Variants in CAPS2 observed in about 807,000 individuals in gnomAD.
CAPS2 encodes the protein calcyphosin-2.
In CAPS2, 98 loss-of-function variants were observed where a neutral mutation model predicts 86.5. The observed-to-expected ratio is 1.13, with a 90% CI of 0.96 to 1.34. The LOEUF is 1.34. Among genes scored for constraint, CAPS2 ranks in the 40% most tolerant of loss-of-function variants. The pLI is 0.00. For synonymous variants in CAPS2, 210 were observed against 225.1 expected (o/e 0.93, Z 0.60); for missense variants, 729 against 686.8 (o/e 1.06, Z -0.69).
At chr12:75,349,860 T>C (rs1013017181) in intron 1 of CAPS2, among the ~76,000 whole-genome samples, 3 of 152,182 alleles carry the variant, frequency 2.0e-5, no homozygotes, top group Non-Finnish European at 2.9e-5. Context: ...ATAGAATCCA[T>C]AGAGGAAAAA....
chr12:75,341,905 A>C (rs963595470), intron 1 of CAPS2, among the ~76,000 whole-genome samples: 10 of 151,068 alleles, frequency 6.6e-5, no homozygotes, highest in Non-Finnish European at 1.5e-5. Context: ...CCGCCCCCAC[A>C]CCTGGCTGAT....
intron 7 of CAPS2, among the ~76,000 whole-genome samples, chr12:75,308,272 A>ATAGACAAAG (rs1417463748): frequency 6.6e-6 from 1 of 152,230 alleles, no homozygotes; most frequent in Non-Finnish European, 1.5e-5. Context: ...CTTCATTTAC[A>ATAGACAAAG]TAGACAAAGT....
chr12:75,291,200 T>C (rs1352518909), intron 13 of CAPS2, among the ~76,000 whole-genome samples: 2 of 151,882 alleles, frequency 1.3e-5, no homozygotes, highest in South Asian at 2.1e-4. Flanking sequence ...TCTAAAGTCA[T>C]GTGTGTCTTG....
intron 1 of CAPS2, among the ~76,000 whole-genome samples, chr12:75,357,672 G>A (rs1168569860): frequency 2.6e-5 from 4 of 152,024 alleles, no homozygotes; most frequent in Non-Finnish European, 4.4e-5. Flanking sequence ...TTTGATGACA[G>A]CAAAATTAAA....
chr12:75,302,334 G>T (rs938902832), intron 8 of CAPS2, among the ~76,000 whole-genome samples: 5 of 152,144 alleles, frequency 3.3e-5, no homozygotes, highest in Non-Finnish European at 7.3e-5. Flanking sequence ...CTGACACAGG[G>T]AACAGATGAT....
intron 11 of CAPS2, among the ~76,000 whole-genome samples, chr12:75,295,478 G>A (rs572809283): frequency 3.9e-5 from 6 of 152,238 alleles, no homozygotes; most frequent in East Asian, 3.9e-4. Context: ...TACGATGTTC[G>A]CTTTGTCTTC....
intron 4 of CAPS2, among the ~76,000 whole-genome samples, chr12:75,322,635 C>G (rs1017840611): frequency 4.6e-5 from 7 of 152,204 alleles, no homozygotes; most frequent in Non-Finnish European, 8.8e-5. Flanking sequence ...AGCATAGCTA[C>G]TTACTCCATA....
intron 1 of CAPS2, chr12:75,360,240 CTT>C (rs998854416): frequency 5.9e-5 from 9 of 152,162 alleles, no homozygotes; most frequent in Admixed American, 2.0e-4. Context: ...ATCCAAATCT[CTT>C]GTCTTTTTAC....
At chr12:75,337,323 T>C (rs563129930) in intron 1 of CAPS2, among the ~76,000 whole-genome samples, 1 of 151,886 alleles carries the variant, frequency 6.6e-6, no homozygotes, top group Admixed American at 6.5e-5. Flanking sequence ...TTTAAAACTA[T>C]ATATTAATAA....
intron 1 of CAPS2, among the ~76,000 whole-genome samples, chr12:75,336,852 A>G (rs796630066): frequency 5.9e-5 from 9 of 151,962 alleles, no homozygotes; most frequent in African/African-American, 2.2e-4. Flanking sequence ...ACATTCATCA[A>G]TATAAACAAT....
rs139581556 is a variant in CAPS2 at position 75,345,674 on chromosome 12, G to A, written c.-394-22452C>T. On this transcript the variant is annotated intron_variant, in intron 1 of 5. Coordinates refer to the CAPS2 transcript ENST00000551829. ...AAATGTTGGTAAAGTATATGGTTTG[G>A]ATACTAAGGGAAAATTGAGAGAATG... Among the ~76,000 whole-genome samples, 314 of 152,252 alleles carry A rather than the reference G, an allele frequency of 2.1e-3. 2 individuals are homozygous for A. The highest frequency in any genetic ancestry group is 0.014 in the Middle Eastern group (4 of 294).
chr12:75,386,816 T>C (rs1442183245), intron 1 of CAPS2, among the ~76,000 whole-genome samples: 1 of 152,042 alleles, frequency 6.6e-6, no homozygotes. Context: ...AGAAATGTAG[T>C]CTTTTCAACA....
chr12:75,310,697 T>C (rs7972989), intron 7 of CAPS2, among the ~76,000 whole-genome samples: 152,163 of 152,196 alleles, frequency 1, 76,065 homozygotes, highest in Non-Finnish European at 1. Flanking sequence ...TTACACACAG[T>C]TATACGACTC....
chr12:75,309,795 A>G (rs894799993), intron 7 of CAPS2, among the ~76,000 whole-genome samples: 6 of 152,186 alleles, frequency 3.9e-5, no homozygotes, highest in African/African-American at 1.4e-4. Context: ...TAAACCCCCA[A>G]ATGAAAAAGG....
At chr12:75,325,136 A>C in intron 2 of CAPS2, 103 bp downstream of exon 3, 1 of 1,112,170 alleles carries the variant, frequency 9.0e-7, no homozygotes, top group South Asian at 1.9e-5. Context: ...TCTGTGGTTC[A>C]CAATCATAGC....
rs1463566931 is a variant in CAPS2, at chr12:75,359,355, G to GTTT, written c.-395+31482_-395+31483insAAA. Among the ~76,000 whole-genome samples the GTTT allele has an allele frequency of 1.7e-3, 77 of 46,430 alleles. 1 individual carries two copies. Among genetic ancestry groups the GTTT allele is most frequent in the Non-Finnish European group, 3.0e-3 (71 of 23,528 alleles). The allele number at this position is 46,430 out of a possible 152,430, so 30.5% of individuals were successfully genotyped here. A position where few individuals can be genotyped will look rare whatever the true frequency, so the allele number is the denominator to read the frequency against. On this transcript the variant is annotated intron_variant, in intron 1 of 5. Coordinates refer to the CAPS2 transcript ENST00000551829. ...ATGAGTTAGAAGACTCAGCATTGTTGTCTTTTTTTTTTTTTTTTTTTTTTT... is the reference window on the plus strand; with the variant it reads ...ATGAGTTAGAAGACTCAGCATTGTTGTTTTCTTTTTTTTTTTTTTTTTTTTTTT...
chr12:75,300,217 T>C (rs1308653690), intron 8 of CAPS2, among the ~76,000 whole-genome samples: 9 of 152,256 alleles, frequency 5.9e-5, no homozygotes, highest in Middle Eastern at 3.4e-3. Context: ...GCTATCTGAA[T>C]GCCATTTCTA....
chr12:75,293,096 G>A (rs1565802405), intron 12 of CAPS2, among the ~76,000 whole-genome samples, 153 bp downstream of exon 12: 2 of 152,022 alleles, frequency 1.3e-5, no homozygotes, highest in African/African-American at 4.8e-5. Flanking sequence ...GTACAAGATA[G>A]TACATAAAAA....
At chr12:75,366,319 T>C (rs545760571) in intron 1 of CAPS2, among the ~76,000 whole-genome samples, 5 of 152,128 alleles carry the variant, frequency 3.3e-5, no homozygotes, top group Non-Finnish European at 7.4e-5. Context: ...GAAGATTGGA[T>C]CTAAACAGTG....
Sources: allele counts gnomAD v4.1 joint callset (sites outside exome capture counted in the v4.1 genomes callset), GRCh38; gene constraint gnomAD v4.1.1; transcripts MANE v1.5; gene names NCBI Gene and HGNC (gene_info 2026-07-23, HGNC 2026-07-21).